PFKFB3: variants seen among roughly 807,000 people sequenced by gnomAD.
PFKFB3 encodes the protein 6-phosphofructo-2-kinase/fructose-2,6-bisphosphatase 3.
Under a neutral mutation model 68.0 loss-of-function variants are expected in PFKFB3, and 33 were observed. The observed-to-expected ratio is 0.49, with a 90% CI of 0.37 to 0.65. The LOEUF (loss-of-function observed/expected upper bound fraction) is 0.65. Ranked by LOEUF, PFKFB3 falls within the 30% of genes least tolerant of loss-of-function variation. The pLI is 0.00. For synonymous variants in PFKFB3, 315 were observed against 288.2 expected (o/e 1.09, Z -0.94); for missense variants, 586 against 712.2 (o/e 0.82, Z 2.02).
downstream of PFKFB3, among the ~76,000 whole-genome samples, chr10:6,237,079 C>G (rs765537197): frequency 6.6e-6 from 1 of 152,248 alleles, no homozygotes; most frequent in African/African-American, 2.4e-5. Context: ...CACCGCAGGG[C>G]CTTCGAGAGT....
chr10:6,145,912 C>T (rs565926561), intron 1 of PFKFB3, among the ~76,000 whole-genome samples: 4 of 152,348 alleles, frequency 2.6e-5, no homozygotes, highest in African/African-American at 9.6e-5. Context: ...AGGCCCAGCA[C>T]TGCCCAGAGC....
At chr10:6,262,463 A>AG in the PFKFB3 span, among the ~76,000 whole-genome samples, 1 of 144,942 alleles carries the variant, frequency 6.9e-6, no homozygotes, top group Non-Finnish European at 1.5e-5. Flanking sequence ...AAAAAAAAAA[A>AG]AAAAAAAAAA....
the PFKFB3 span, chr10:6,294,303 C>G: frequency 2.4e-3 from 1,125 of 469,058 alleles, 2 homozygotes; most frequent in Non-Finnish European, 3.9e-3. Context: ...AAAGACATAC[C>G]TGAGACTTGG....
At chr10:6,293,934 A>G in the PFKFB3 span, 1 of 486,950 alleles carries the variant, frequency 2.1e-6, no homozygotes, top group Non-Finnish European at 4.1e-6. Flanking sequence ...CAATTTTTCC[A>G]TCTTGGTCCT....
rs534357183 is a variant in PFKFB3 at position 6,221,527 on chromosome 10, G to C, written c.978G>C (p.Ala326=). 2 of 1,613,130 alleles carry C rather than the reference G, an allele frequency of 1.2e-6. No homozygotes were observed. The highest frequency in any genetic ancestry group is 3.3e-5 in the Admixed American group (2 of 60,010). ...GGAAGGCGCTCAATGAGATCGACGC[G>C]GTGAGTCCTGGGAGGCGGGCAGGCA... ...EQWKALNEID[A]GVCEELTYEE... is the part of the protein sequence containing the mutation. Residue 326 remains alanine (A), a splice_region_variant and synonymous_variant, in exon 9 of 15, where the codon GCG becomes GCC. Coordinates refer to ENST00000379775, the MANE Select transcript of PFKFB3 (RefSeq NM_004566.4).
chr10:6,225,672 C>T (rs1182059797), intron 13 of PFKFB3, among the ~76,000 whole-genome samples: 1 of 152,024 alleles, frequency 6.6e-6, no homozygotes, highest in Non-Finnish European at 1.5e-5. Context: ...CTTTGGTCTC[C>T]AGGCTTGTTT....
At chr10:6,242,455 T>C (rs1846160732) in intron 14 of PFKFB3, among the ~76,000 whole-genome samples, 1 of 152,224 alleles carries the variant, frequency 6.6e-6, no homozygotes, top group African/African-American at 2.4e-5. Flanking sequence ...TTTTCCAGCC[T>C]GATGGCAGCC....
chr10:6,183,167 G>A (rs1842766827), intron 1 of PFKFB3, among the ~76,000 whole-genome samples: 1 of 152,142 alleles, frequency 6.6e-6, no homozygotes, highest in Non-Finnish European at 1.5e-5. Context: ...TCTTCTTTCA[G>A]AAGATCACCC....
intron 1 of PFKFB3, among the ~76,000 whole-genome samples, chr10:6,155,061 C>T (rs1201288126): frequency 1.3e-5 from 2 of 152,300 alleles, no homozygotes; most frequent in East Asian, 1.9e-4. Context: ...CAGACAGAGC[C>T]ATTTCAAGAA....
chr10:6,310,773 C>T, the PFKFB3 span, among the ~76,000 whole-genome samples: 7 of 151,992 alleles, frequency 4.6e-5, no homozygotes, highest in African/African-American at 1.4e-4. Context: ...CATGTATGCT[C>T]GTAAATAAAG....
chr10:6,159,486 A>G (rs1404896943), intron 1 of PFKFB3, among the ~76,000 whole-genome samples: 10 of 151,742 alleles, frequency 6.6e-5, no homozygotes, highest in Non-Finnish European at 1.5e-4. Context: ...ATCACCTGAG[A>G]TGGGGAGTTT....
chr10:6,256,513 G>A (rs888956483), downstream of PFKFB3, among the ~76,000 whole-genome samples: 3 of 152,144 alleles, frequency 2.0e-5, no homozygotes, highest in African/African-American at 4.8e-5. Context: ...CGCCTTCTTC[G>A]CATACTTCAT....
At chr10:6,146,163 C>T in intron 1 of PFKFB3, 1 of 934,398 alleles carries the variant, frequency 1.1e-6, no homozygotes, top group South Asian at 4.9e-5. Context: ...CTGGCCTCCC[C>T]TGGCACTGGG....
rs558958065 is a variant in PFKFB3 at position 6,179,337 on chromosome 10, G to A, written c.17-34286G>A. Among the ~76,000 whole-genome samples the A allele has an allele frequency of 8.5e-5, 13 of 152,334 alleles. No individual in the cohort carries two copies. In the South Asian group the frequency reaches 2.5e-3, roughly 29 times the overall value. On this transcript the variant is annotated intron_variant, in intron 1 of 14. Transcript: ENST00000379789. ...ACAAGAGCCCAAACTCATCTGCGCT[G>A]CGCTGCTTTTGAGCCACACAAATCC...
At chr10:6,264,329 G>A in the PFKFB3 span, among the ~76,000 whole-genome samples, 7 of 152,162 alleles carry the variant, frequency 4.6e-5, no homozygotes, top group East Asian at 5.8e-4. Context: ...TTCTTGGCCC[G>A]TTGGATTTCC....
chr10:6,190,563 G>A (rs2131820386), intron 1 of PFKFB3, among the ~76,000 whole-genome samples: 1 of 152,272 alleles, frequency 6.6e-6, no homozygotes. Flanking sequence ...CACTTTGGGA[G>A]ACTGAGGCAG....
intron 8 of PFKFB3, 146 bp downstream of exon 8, chr10:6,221,011 AC>A (rs1844918385): frequency 2.6e-6 from 2 of 776,062 alleles, no homozygotes; most frequent in Non-Finnish European, 4.4e-6. Flanking sequence ...GTGCGCCTGC[AC>A]GTCTCTATGC....
intron 6 of PFKFB3, among the ~76,000 whole-genome samples, chr10:6,217,958 A>C (rs890991672): frequency 5.9e-5 from 9 of 152,176 alleles, no homozygotes; most frequent in Non-Finnish European, 1.2e-4. Context: ...TTTAGAGGGG[A>C]TGCTAAGCAT....
the PFKFB3 span, among the ~76,000 whole-genome samples, chr10:6,271,078 CCAATGGCCTTGCT>C: frequency 6.6e-6 from 1 of 152,220 alleles, no homozygotes; most frequent in Admixed American, 6.5e-5. Flanking sequence ...AGATGCTCTT[CCAATGGCCTTGCT>C]ACAAGTAATT....
Sources: allele counts gnomAD v4.1 joint callset (sites outside exome capture counted in the v4.1 genomes callset), GRCh38; gene constraint gnomAD v4.1.1; transcripts MANE v1.5; gene names NCBI Gene and HGNC (gene_info 2026-07-23, HGNC 2026-07-21).